The following CFAP54 variants were observed in gnomAD, a reference collection of about 807,000 sequenced individuals.
CFAP54 encodes cilia and flagella associated protein 54.
In CFAP54, 290 loss-of-function variants were observed where a neutral mutation model predicts 370.4. That is an observed-to-expected ratio of 0.78 (90% CI 0.71 to 0.86). The LOEUF is 0.86. CFAP54 is among the 40% of genes least tolerant of loss of function. The pLI is 0.00. For synonymous variants in CFAP54, 1,206 were observed against 1,236.5 expected, an observed-to-expected ratio of 0.98 and a Z score of 0.52; for missense variants, 3,399 against 3,528.7, an observed-to-expected ratio of 0.96 and a Z score of 0.93.
At chr12:96,866,721 C>T (rs1259457720) in intron 67 of CFAP54, among the ~76,000 whole-genome samples, 1 of 152,182 alleles carries the variant, frequency 6.6e-6, no homozygotes, top group East Asian at 1.9e-4. Context: ...AAATGCAATT[C>T]GGAACTAATG....
chr12:96,763,959 A>T (rs1015525820), intron 58 of CFAP54, among the ~76,000 whole-genome samples, 192 bp from the exon 59 acceptor site: 15 of 152,192 alleles, frequency 9.9e-5, no homozygotes. Flanking sequence ...TTTTAAAAAG[A>T]AGGATTGTAC....
At chr12:96,595,259 T>C (rs140525281) in intron 25 of CFAP54, among the ~76,000 whole-genome samples, 5 of 152,132 alleles carry the variant, frequency 3.3e-5, no homozygotes, top group Non-Finnish European at 7.4e-5. Context: ...TGAGGAGCCT[T>C]ATCTAGGGTA....
intron 66 of CFAP54, among the ~76,000 whole-genome samples, chr12:96,845,815 A>G (rs77881068): frequency 5.4e-4 from 82 of 152,368 alleles, no homozygotes; most frequent in African/African-American, 1.9e-3. Flanking sequence ...TGATGAATAC[A>G]TAATCTCTAT....
chr12:96,725,689 C>G (rs1437618978), intron 50 of CFAP54, among the ~76,000 whole-genome samples: 3 of 152,316 alleles, frequency 2.0e-5, no homozygotes, highest in Non-Finnish European at 4.4e-5. Flanking sequence ...CCTGATTGCC[C>G]TGGCCAGAAC....
At chr12:96,630,981 A>G (rs2136475752) in intron 32 of CFAP54, among the ~76,000 whole-genome samples, 1 of 152,124 alleles carries the variant, frequency 6.6e-6, no homozygotes, top group East Asian at 1.9e-4. Context: ...ATTATAAAAT[A>G]TATTATGGCA....
chr12:96,821,309 G>C (rs368374938), intron 65 of CFAP54, among the ~76,000 whole-genome samples: 1 of 152,124 alleles, frequency 6.6e-6, no homozygotes, highest in African/African-American at 2.4e-5. Flanking sequence ...GGGTATGGTG[G>C]TGTCTGAAGA....
intron 50 of CFAP54, among the ~76,000 whole-genome samples, chr12:96,725,503 T>C (rs1263312990): frequency 6.6e-6 from 1 of 152,128 alleles, no homozygotes; most frequent in Non-Finnish European, 1.5e-5. Flanking sequence ...ATAAGAATGC[T>C]TGTGATTTTT....
chr12:96,561,815 C>A (rs1445223961), intron 17 of CFAP54, among the ~76,000 whole-genome samples: 1 of 134,170 alleles, frequency 7.5e-6, no homozygotes, highest in Non-Finnish European at 1.6e-5. Context: ...TACTCTGTCA[C>A]CCAGGCTGGA....
At position 96,765,106 on chromosome 12, in the gene CFAP54, A is replaced by G. The variant is rs2051015544; in HGVS notation, c.8169A>G (p.Leu2723=). 2 of 1,491,142 alleles carry G rather than the reference A, an allele frequency of 1.3e-6. No individual in the cohort carries two copies. Among genetic ancestry groups the G allele is most frequent in the Admixed American group, 3.5e-5 (2 of 56,936 alleles). The allele number at this position is 1,491,142 out of a possible 1,614,324, so 92.4% of individuals were successfully genotyped here. A position where few individuals can be genotyped will look rare whatever the true frequency, so the allele number is the denominator to read the frequency against. Reference sequence around the variant, plus strand: ...GTGAAGCTGTGCTGGCAATTAACTTACTTATTGGAAAGAAGAATACTAGAA... The same window carrying G: ...GTGAAGCTGTGCTGGCAATTAACTTGCTTATTGGAAAGAAGAATACTAGAA... ...QVSEAVLAIN[L]LIGKKNTRMH... is the part of the protein sequence containing the mutation. The change falls in exon 60 of 68, where the codon TTA becomes TTG. Residue 2723 remains leucine (L), a synonymous_variant. Transcript: ENST00000524981.
At chr12:96,579,404 A>G (rs1418165606) in intron 20 of CFAP54, among the ~76,000 whole-genome samples, 4 of 152,192 alleles carry the variant, frequency 2.6e-5, no homozygotes, top group African/African-American at 7.2e-5. Context: ...AAAATGGTTC[A>G]TTCTGTACAA....
intron 19 of CFAP54, among the ~76,000 whole-genome samples, chr12:96,569,364 A>G (rs978002761): frequency 1.3e-5 from 2 of 152,236 alleles, no homozygotes; most frequent in African/African-American, 4.8e-5. Context: ...GAGTAGAGGG[A>G]TACAAAGACT....
At chr12:96,617,070 G>A (rs2136460996) in intron 26 of CFAP54, among the ~76,000 whole-genome samples, 1 of 152,284 alleles carries the variant, frequency 6.6e-6, no homozygotes, top group Non-Finnish European at 1.5e-5. Context: ...AAAGGAGGGA[G>A]AGGGAAGAGG....
intron 65 of CFAP54, among the ~76,000 whole-genome samples, chr12:96,826,185 A>G (rs1420704500): frequency 6.9e-6 from 1 of 145,776 alleles, no homozygotes; most frequent in Non-Finnish European, 1.5e-5. Flanking sequence ...AAGCCCCAAA[A>G]CTCCATTATA....
rs752872737 is a variant in CFAP54, at chr12:96,657,856, T to C, written c.5101-26T>C. On this transcript the variant is annotated intron_variant, in intron 36 of 67. Coordinates refer to ENST00000524981, the MANE Select transcript of CFAP54 (RefSeq NM_001306084.2). ...TGCAGTAAAATCTGAAATTACACAT[T>C]TTTTTTTTCACTGTGCTACTTGCAG... 6.7e-6 allele frequency: 8 copies of C among 1,194,132 alleles called. No homozygotes were observed. In the South Asian group the frequency reaches 1.2e-4, roughly 18 times the overall value. 74.0% of individuals were successfully genotyped at this position (1,194,132 alleles called of 1,614,324 possible).
At chr12:96,660,162 A>G (rs937092515) in intron 38 of CFAP54, among the ~76,000 whole-genome samples, 3 of 152,216 alleles carry the variant, frequency 2.0e-5, no homozygotes, top group African/African-American at 4.8e-5. Context: ...GGGGCCAGCC[A>G]TACAGTGATC....
At chr12:96,572,936 G>A in intron 19 of CFAP54, 8 of 985,408 alleles carry the variant, frequency 8.1e-6, no homozygotes, top group Non-Finnish European at 8.4e-6. Flanking sequence ...GAAGATGCAA[G>A]AATTAAGTCA....
chr12:96,519,202 G>T, intron 6 of CFAP54, 131 bp downstream of exon 6: 1 of 839,030 alleles, frequency 1.2e-6, no homozygotes, highest in Non-Finnish European at 1.7e-6. Context: ...AGGTTCAAGC[G>T]ATTCTCCTGC....
At chr12:96,823,911 G>A (rs897138592) in intron 65 of CFAP54, among the ~76,000 whole-genome samples, 1 of 152,132 alleles carries the variant, frequency 6.6e-6, no homozygotes, top group African/African-American at 2.4e-5. Flanking sequence ...AGAGACGAGG[G>A]AAGCAAGAGT....
chr12:96,641,863 G>A (rs978959972), intron 32 of CFAP54, among the ~76,000 whole-genome samples: 2 of 151,250 alleles, frequency 1.3e-5, no homozygotes, highest in Non-Finnish European at 2.9e-5. Context: ...TCACGCATAG[G>A]TGGGAATTGA....
Sources: allele counts gnomAD v4.1 joint callset (sites outside exome capture counted in the v4.1 genomes callset), GRCh38; gene constraint gnomAD v4.1.1; transcripts MANE v1.5; gene names NCBI Gene and HGNC (gene_info 2026-07-23, HGNC 2026-07-21).